Variants in AKR1B15 observed in about 807,000 individuals in gnomAD.
AKR1B15 encodes aldo-keto reductase family 1 member B15.
In AKR1B15, 49 loss-of-function variants were observed where a neutral mutation model predicts 38.5. The ratio of observed to expected loss-of-function variants is 1.27; its 90% CI spans 1.01 to 1.62. The LOEUF (loss-of-function observed/expected upper bound fraction) is 1.62, where lower values mean the gene tolerates loss of function less well. Among genes scored for constraint, AKR1B15 ranks in the 40% most tolerant of loss-of-function variants. The pLI, the probability that AKR1B15 is intolerant of heterozygous loss-of-function variation, is 0.00. For synonymous variants in AKR1B15, 137 were observed against 135.5 expected (o/e 1.01, Z -0.08); for missense variants, 411 against 381.6 (o/e 1.08, Z -0.64).
intron 2 of AKR1B15, among the ~76,000 whole-genome samples, chr7:134,560,743 T>C (rs1794362310): frequency 6.6e-6 from 1 of 152,210 alleles, no homozygotes; most frequent in African/African-American, 2.4e-5. Flanking sequence ...AGGGTTCTAA[T>C]GGTTGTACAC....
intron 6 of AKR1B15, among the ~76,000 whole-genome samples, chr7:134,575,195 T>C (rs1585814202): frequency 6.6e-6 from 1 of 152,192 alleles, no homozygotes; most frequent in African/African-American, 2.4e-5. Context: ...GAACATAAAA[T>C]CTTTACCTGT....
chr7:134,575,228 G>A (rs548177518), intron 6 of AKR1B15, among the ~76,000 whole-genome samples, 192 bp from the exon 7 acceptor site: 2 of 152,274 alleles, frequency 1.3e-5, no homozygotes, highest in East Asian at 3.9e-4. Context: ...TTCTTGGGCT[G>A]GGGAGGGGCA....
rs367999028 is a variant in AKR1B15, at chr7:134,571,662, C to T, written c.494C>T (p.Thr165Met). 7.6e-5 allele frequency: 122 copies of T among 1,613,392 alleles called. No homozygotes were observed. The highest frequency in any genetic ancestry group is 7.3e-4 in the African/African-American group (55 of 74,858). ...DKGNMISGKGTFLDAWEAMEE... is the reference protein window; with the variant it reads ...DKGNMISGKGMFLDAWEAMEE... ...GGTAATATGATCAGTGGAAAAGGAA[C>T]GTTCTTGGATGCCTGGGAGGTAGGT... The change falls in exon 6 of 12, where the codon ACG becomes ATG. Residue 165 changes from threonine (T) to methionine (M), a missense_variant. Around this residue, in one of 3 missense-constraint regions of AKR1B15, gnomAD observed 254 missense variants for 212.4 expected, o/e 1.20. Coordinates refer to ENST00000457545, the MANE Select transcript of AKR1B15 (RefSeq NM_001080538.3).
chr7:134,579,343 G>A (rs1336761424), intron 11 of AKR1B15, among the ~76,000 whole-genome samples, 164 bp from the exon 12 acceptor site: 1 of 152,044 alleles, frequency 6.6e-6, no homozygotes, highest in Non-Finnish European at 1.5e-5. Context: ...CCCTCATATC[G>A]ATTTGAAGGA....
chr7:134,551,937 C>T (rs551856045), intron 1 of AKR1B15, among the ~76,000 whole-genome samples: 4 of 152,268 alleles, frequency 2.6e-5, no homozygotes, highest in East Asian at 1.9e-4. Context: ...CACTTGGCCC[C>T]GGGAACCCAT....
chr7:134,570,172 GC>G (rs1562950244), intron 5 of AKR1B15: 1 of 152,260 alleles, frequency 6.6e-6, no homozygotes, highest in South Asian at 2.1e-4. Context: ...GATGAAATAA[GC>G]CCCGGACTCC....
At chr7:134,569,633 T>C in intron 5 of AKR1B15, 104 bp downstream of exon 5, 3 of 1,202,030 alleles carry the variant, frequency 2.5e-6, no homozygotes, top group South Asian at 2.9e-5. Flanking sequence ...AGAACATAAA[T>C]TGTGAAGATT....
rs201443523 is a variant in AKR1B15 at position 134,568,301 on chromosome 7, G to A, written c.294G>A (p.Arg98=). The change falls in exon 4 of 12, where the codon CGG becomes CGA. Residue 98 remains arginine, a synonymous_variant. Transcript: ENST00000457545. Reference sequence around the variant, plus strand: ...AGATCCAAGAGAAGGCTGTGATGCGGGAGGACCTGTTCATCGTCAGCAAGG... The same window carrying A: ...AGATCCAAGAGAAGGCTGTGATGCGAGAGGACCTGTTCATCGTCAGCAAGG... ...QEKIQEKAVM[R]EDLFIVSKVW... 202 of 1,614,012 alleles carry A rather than the reference G, an allele frequency of 1.3e-4. No individual in the cohort carries two copies. In the Middle Eastern group the frequency reaches 1.6e-3, roughly 13 times the overall value.
chr7:134,561,766 A>G (rs1412129134), intron 2 of AKR1B15, among the ~76,000 whole-genome samples: 1 of 147,062 alleles, frequency 6.8e-6, no homozygotes, highest in African/African-American at 2.7e-5. Flanking sequence ...GGCATGTCAC[A>G]GCATGGCACA....
In AKR1B15 at chr7:134,564,651, C is replaced by T; in HGVS notation, c.32C>T (p.Ser11Leu). 1 of 699,040 alleles carries T rather than the reference C, an allele frequency of 1.4e-6. No homozygotes were observed. The highest frequency in any genetic ancestry group is 2.6e-6 in the Non-Finnish European group (1 of 383,992). The allele number at this position is 699,040 out of a possible 1,614,324, so 43.3% of individuals were successfully genotyped here. Residue 11 changes from serine to leucine, a missense_variant, in exon 3 of 12, where the codon TCA becomes TTA. Transcript: ENST00000457545. ...TTACAAATGGAACCCCAAGTGAACT[C>T]AACTAACAACTTCCACCAAGGACCC... Reference protein sequence around the residue: MVLQMEPQVNSTNNFHQGPLD... With the variant: MVLQMEPQVNLTNNFHQGPLD...
intron 9 of AKR1B15, 124 bp from the exon 10 acceptor site, chr7:134,576,839 C>G: frequency 1.1e-6 from 1 of 893,524 alleles, no homozygotes; most frequent in Non-Finnish European, 1.8e-6. Flanking sequence ...CTGTGAAGGG[C>G]TCAGTAATTA....
At chr7:134,558,105 T>C (rs909257264) in intron 2 of AKR1B15, among the ~76,000 whole-genome samples, 2 of 152,178 alleles carry the variant, frequency 1.3e-5, no homozygotes, top group Admixed American at 6.5e-5. Context: ...AAGGGACCCA[T>C]TGGGGACCCC....
intron 6 of AKR1B15, among the ~76,000 whole-genome samples, chr7:134,572,745 G>A (rs1794692348): frequency 6.6e-6 from 1 of 152,014 alleles, no homozygotes; most frequent in Non-Finnish European, 1.5e-5. Flanking sequence ...AGGGATGAAT[G>A]TTTTCTCTGG....
Position 134,568,300 on chromosome 7 carries a change from G to A in AKR1B15, c.293G>A (p.Arg98Gln), listed in dbSNP as rs200408342. The change falls in exon 4 of 12, where the codon CGG becomes CAG. Residue 98 changes from arginine to glutamine, a missense_variant. This residue lies in a region of AKR1B15 where 254 missense variants were observed against 212.4 expected (regional missense o/e 1.20). Coordinates refer to ENST00000457545, the MANE Select transcript of AKR1B15 (RefSeq NM_001080538.3). ...AAGATCCAAGAGAAGGCTGTGATGC[G>A]GGAGGACCTGTTCATCGTCAGCAAG... ...QEKIQEKAVM[R>Q]EDLFIVSKVW... is the part of the protein sequence containing the mutation. The A allele has an allele frequency of 2.1e-4, 337 of 1,613,970 alleles. 2 individuals carry two copies. The highest frequency in any genetic ancestry group is 3.5e-4 in the South Asian group (32 of 91,066).
chr7:134,577,220 A>G (rs553510432), intron 10 of AKR1B15, among the ~76,000 whole-genome samples, 174 bp downstream of exon 10: 2 of 152,288 alleles, frequency 1.3e-5, no homozygotes, highest in East Asian at 1.9e-4. Context: ...TGAATGACCC[A>G]TGGGCTAAGA....
At chr7:134,567,213 A>T (rs967467468) in intron 3 of AKR1B15, among the ~76,000 whole-genome samples, 7 of 152,182 alleles carry the variant, frequency 4.6e-5, no homozygotes, top group African/African-American at 1.7e-4. Context: ...GAAGAGGTTT[A>T]AAAGACTATT....
chr7:134,577,775 T>C lies in AKR1B15; in HGVS notation c.981T>C (p.Phe327=), dbSNP rs760935260. The C allele has an allele frequency of 4.3e-6, 7 of 1,613,922 alleles. No homozygotes were observed. The highest frequency in any genetic ancestry group is 5.9e-6 in the Non-Finnish European group (7 of 1,179,920). Residue 327 remains phenylalanine, a synonymous_variant, in exon 11 of 12, where the codon TTT becomes TTC. Coordinates refer to ENST00000457545, the MANE Select transcript of AKR1B15 (RefSeq NM_001080538.3). Reference sequence around the variant, plus strand: ...GCTTCAACAGAAACTGGAGGGCCTTTGACTTCAAGGAGTAAGTGGCATGGA... The same window carrying C: ...GCTTCAACAGAAACTGGAGGGCCTTCGACTTCAAGGAGTAAGTGGCATGGA... ...ILSFNRNWRA[F]DFKEFSHLED...
chr7:134,576,624 G>A (rs1794773526), intron 9 of AKR1B15, among the ~76,000 whole-genome samples, 194 bp downstream of exon 9: 1 of 151,982 alleles, frequency 6.6e-6, no homozygotes, highest in South Asian at 2.1e-4. Context: ...GATAGCTTCT[G>A]TCTCACAGCT....
At chr7:134,577,646 C>G (rs1011100207) in intron 10 of AKR1B15, 58 bp from the exon 11 acceptor site, 3 of 1,572,554 alleles carry the variant, frequency 1.9e-6, no homozygotes, top group African/African-American at 1.4e-5. Context: ...GGCCGGCAGT[C>G]TCCAGCCACA....
Sources: gnomAD v4.1 joint callset for allele counts (sites outside exome capture counted in the v4.1 genomes callset) on GRCh38, gnomAD v4.1.1 for gene constraint, gnomAD v4.1.1 regional missense constraint, MANE v1.5 for transcripts, NCBI Gene and HGNC (gene_info 2026-07-23, HGNC 2026-07-21) for gene names.